The following SEC24B variants were observed in gnomAD, a reference collection of about 807,000 sequenced individuals.
SEC24B encodes SEC24 homolog B, COPII component, also known as protein transport protein Sec24B.
A neutral mutation model predicts 142.8 loss-of-function variants in SEC24B; 45 were observed. The observed-to-expected ratio is 0.32, with a 90% confidence interval of 0.25 to 0.40. The LOEUF (loss-of-function observed/expected upper bound fraction) is 0.40, where lower values mean the gene tolerates loss of function less well. Ranked by LOEUF, SEC24B falls within the 10% of genes least tolerant of loss-of-function variation. The pLI, the probability that SEC24B is intolerant of heterozygous loss-of-function variation, is 1.00. For missense variants in SEC24B, 1,409 were observed against 1,526.8 expected, an observed-to-expected ratio of 0.92 and a Z score of 1.29; for synonymous variants, 574 against 568.2, an observed-to-expected ratio of 1.01 and a Z score of -0.15.
At chr4:109,453,789 T>C (rs1473463678) in intron 1 of SEC24B, among the ~76,000 whole-genome samples, 1 of 152,054 alleles carries the variant, frequency 6.6e-6, no homozygotes, top group East Asian at 1.9e-4. Context: ...GCGGAAGTGA[T>C]AAATGTCTAT....
chr4:109,533,608 G>T lies in SEC24B; in HGVS notation c.3511G>T (p.Val1171Phe). ...MDCGSVFYIW[V>F]GKGCDNNFIE... ...TTCTTTTTAGGTTTTTTACATTTGG[G>T]TTGGGAAAGGCTGTGACAATAACTT... is the stretch of plus-strand genomic sequence containing the variant. Residue 1171 changes from valine (V) to phenylalanine (F), a missense_variant, in exon 22 of 24, where the codon GTT (valine) becomes TTT (phenylalanine). Physicochemically the swap from Val to Phe is conservative, Grantham distance 50. Transcript: ENST00000265175. 1.2e-6 allele frequency: 2 copies of T among 1,609,546 alleles called. No individual in the cohort carries two copies. The highest frequency in any genetic ancestry group is 2.2e-5 in the South Asian group (2 of 90,160).
At chr4:109,482,046 T>G (rs529387381) in intron 4 of SEC24B, among the ~76,000 whole-genome samples, 7 of 152,332 alleles carry the variant, frequency 4.6e-5, no homozygotes, top group Non-Finnish European at 1.0e-4. Flanking sequence ...CAGAAATGCA[T>G]TTTCTCCCAT....
chr4:109,493,393 T>C (rs2126007781), intron 5 of SEC24B, among the ~76,000 whole-genome samples: 1 of 152,270 alleles, frequency 6.6e-6, no homozygotes, highest in Non-Finnish European at 1.5e-5. Context: ...CATTGTAGAG[T>C]TGACTTCAAA....
At chr4:109,517,827 T>C (rs1723112482) in intron 11 of SEC24B, among the ~76,000 whole-genome samples, 1 of 152,194 alleles carries the variant, frequency 6.6e-6, no homozygotes, top group Non-Finnish European at 1.5e-5. Context: ...AGGAATTTTT[T>C]CCATAAACTT....
chr4:109,459,762 G>C (rs563314904), intron 1 of SEC24B, among the ~76,000 whole-genome samples: 36 of 152,048 alleles, frequency 2.4e-4, no homozygotes, highest in Non-Finnish European at 3.8e-4. Flanking sequence ...ATTATTTCTC[G>C]TTTCAGATCA....
At position 109,516,654 on chromosome 4, in the gene SEC24B, T is replaced by A. The variant is rs143734636; in HGVS notation, c.2126+14T>A. ...AAATCTAGACAAGTAAGAATATTTT[T>A]AATTCATACTATACATATGTGTATG... On this transcript the variant is annotated intron_variant, in intron 11 of 23. Transcript: ENST00000265175. 8 of 1,330,542 alleles carry A rather than the reference T, an allele frequency of 6.0e-6. No homozygotes were observed. The African/African-American group carries it at 1.0e-4, about 17-fold the overall frequency. 82.4% of individuals were successfully genotyped at this position (1,330,542 alleles called of 1,614,324 possible). A position where few individuals can be genotyped will look rare whatever the true frequency, so the allele number is the denominator to read the frequency against.
intron 3 of SEC24B, among the ~76,000 whole-genome samples, chr4:109,474,542 A>T (rs867259349): frequency 6.6e-5 from 10 of 150,824 alleles, no homozygotes; most frequent in African/African-American, 2.4e-4. Flanking sequence ...CTCCTGTCTC[A>T]GCCTCCTGGG....
Position 109,533,578 on chromosome 4 carries a change from GCTTTTT to G in SEC24B, c.3496-8_3496-3del. The stretch of plus-strand genomic sequence containing the variant: ...TATTAGGGAGTTTTAATATTTTGTT[GCTTTTT>G]CTTTTTAGGTTTTTTACATTTGGGT... On this transcript the variant is annotated splice_polypyrimidine_tract_variant and intron_variant, in intron 21 of 23. Transcript: ENST00000265175. 1.3e-6 allele frequency: 2 copies of G among 1,542,174 alleles called. No homozygotes were observed.
chr4:109,529,026 G>T (rs1022471590), intron 18 of SEC24B, among the ~76,000 whole-genome samples: 1 of 152,092 alleles, frequency 6.6e-6, no homozygotes, highest in Non-Finnish European at 1.5e-5. Flanking sequence ...AGCTGGGTGT[G>T]GTGGTGCACA....
At chr4:109,438,494 A>G (rs1011259698) in intron 1 of SEC24B, among the ~76,000 whole-genome samples, 5 of 152,056 alleles carry the variant, frequency 3.3e-5, no homozygotes, top group African/African-American at 1.2e-4. Flanking sequence ...TTAAAAAAAA[A>G]TTTGTAGAGA....
At chr4:109,530,677 G>T (rs566159323) in intron 19 of SEC24B, among the ~76,000 whole-genome samples, 2 of 151,900 alleles carry the variant, frequency 1.3e-5, no homozygotes, top group Non-Finnish European at 2.9e-5. Context: ...CGAGGTGTGC[G>T]GATCAGCTGA....
rs191131326 is a variant in SEC24B, at chr4:109,476,558, T to G, written c.1060+3372T>G. Among the ~76,000 whole-genome samples the G allele has an allele frequency of 7.5e-3, 1,017 of 135,020 alleles. 6 individuals are homozygous for G. Among genetic ancestry groups the G allele is most frequent in the African/African-American group, 0.017 (434 of 25,642 alleles). The allele number at this position is 135,020 out of a possible 152,430, so 88.6% of individuals were successfully genotyped here. ...TTCACATAAAGTAGATTAGAATTACTTGTAAGAATTCTGCTAAAGCAGTAT... is the reference window on the plus strand; with the variant it reads ...TTCACATAAAGTAGATTAGAATTACGTGTAAGAATTCTGCTAAAGCAGTAT... On this transcript the variant is annotated intron_variant, in intron 3 of 23. Coordinates refer to ENST00000265175, the MANE Select transcript of SEC24B (RefSeq NM_006323.5).
At chr4:109,481,890 G>A in intron 4 of SEC24B, 109 bp downstream of exon 4, 1 of 747,266 alleles carries the variant, frequency 1.3e-6, no homozygotes, top group Non-Finnish European at 2.2e-6. Flanking sequence ...GATTTAGCAT[G>A]ATGAACTTAC....
At chr4:109,457,638 A>G (rs1730816383) in intron 1 of SEC24B, among the ~76,000 whole-genome samples, 1 of 152,224 alleles carries the variant, frequency 6.6e-6, no homozygotes, top group African/African-American at 2.4e-5. Context: ...GGAGGAGCAA[A>G]CATTTAAACC....
chr4:109,503,226 A>ATT (rs1391734152), intron 6 of SEC24B, among the ~76,000 whole-genome samples: 2 of 121,852 alleles, frequency 1.6e-5, no homozygotes, highest in South Asian at 2.7e-4. Context: ...CGCCTGGCTA[A>ATT]TTTTTTTTTT....
At chr4:109,506,738 A>G (rs942147380) in intron 7 of SEC24B, among the ~76,000 whole-genome samples, 1 of 152,070 alleles carries the variant, frequency 6.6e-6, no homozygotes, top group East Asian at 1.9e-4. Flanking sequence ...TAGGGAAATT[A>G]TTTCTATTTG....
chr4:109,513,708 A>C (rs1472898376), intron 9 of SEC24B, 39 bp from the exon 10 acceptor site: 3 of 1,160,202 alleles, frequency 2.6e-6, no homozygotes, highest in Non-Finnish European at 3.9e-6. Flanking sequence ...TTTAGTTACA[A>C]ATTGTGTCTC....
At chr4:109,485,588 G>T (rs1251814414) in intron 4 of SEC24B, among the ~76,000 whole-genome samples, 1 of 151,944 alleles carries the variant, frequency 6.6e-6, no homozygotes, top group Non-Finnish European at 1.5e-5. Context: ...TCTATTAATG[G>T]TTTTTTAAAA....
At chr4:109,486,827 G>A (rs574297777) in intron 4 of SEC24B, among the ~76,000 whole-genome samples, 5 of 152,116 alleles carry the variant, frequency 3.3e-5, no homozygotes, top group African/African-American at 1.2e-4. Context: ...CATCAAATAC[G>A]TATAATATGA....
Sources: gnomAD v4.1 joint callset for allele counts (sites outside exome capture counted in the v4.1 genomes callset) on GRCh38, gnomAD v4.1.1 for gene constraint, MANE v1.5 for transcripts, NCBI Gene and HGNC (gene_info 2026-07-23, HGNC 2026-07-21) for gene names.